The following COL25A1 variants were observed in gnomAD, a reference collection of about 807,000 sequenced individuals.
COL25A1 encodes the protein collagen alpha-1(XXV) chain.
In COL25A1, 103 loss-of-function variants were observed where a neutral mutation model predicts 128.4. The observed-to-expected ratio is 0.80, with a 90% CI of 0.68 to 0.94. The LOEUF is 0.94. Ranked by LOEUF, COL25A1 falls within the 40% of genes least tolerant of loss-of-function variation. The pLI is 0.00. For missense variants in COL25A1, 745 were observed against 840.0 expected (o/e 0.89, Z 1.40); for synonymous variants, 279 against 277.2 (o/e 1.01, Z -0.06).
chr4:108,864,038 C>T (rs1737584857), intron 20 of COL25A1, among the ~76,000 whole-genome samples: 1 of 152,100 alleles, frequency 6.6e-6, no homozygotes, highest in Non-Finnish European at 1.5e-5. Context: ...GAGCCAATTC[C>T]CCTCATAAAT....
chr4:108,982,058 G>C (rs1753028572), intron 6 of COL25A1, among the ~76,000 whole-genome samples: 1 of 148,410 alleles, frequency 6.7e-6, no homozygotes, highest in Non-Finnish European at 1.5e-5. Context: ...GCCAGGCGTG[G>C]TGGCATGCGC....
intron 3 of COL25A1, among the ~76,000 whole-genome samples, chr4:109,129,817 G>A (rs934680177): frequency 1.3e-5 from 2 of 152,056 alleles, no homozygotes; most frequent in African/African-American, 4.8e-5. Context: ...AGTTTAATAA[G>A]CCCTTGAAGG....
At chr4:109,288,713 T>C (rs893058447) in intron 3 of COL25A1, among the ~76,000 whole-genome samples, 4 of 152,004 alleles carry the variant, frequency 2.6e-5, no homozygotes, top group Admixed American at 2.6e-4. Context: ...TCAAACAAAT[T>C]GTCAGTGTTA....
At chr4:109,001,372 C>CAGGCATCTGAGATCCTGTAAGGT (rs1755351832) in intron 6 of COL25A1, among the ~76,000 whole-genome samples, 1 of 24,148 alleles carries the variant, frequency 4.1e-5, no homozygotes, top group Non-Finnish European at 1.3e-4. Context: ...TTAAAAGAAA[C>CAGGCATCTGAGATCCTGTAAGGT]AGGCATCTGA....
chr4:109,041,990 T>C (rs1445858112), intron 5 of COL25A1, among the ~76,000 whole-genome samples: 3 of 152,146 alleles, frequency 2.0e-5, no homozygotes, highest in Non-Finnish European at 4.4e-5. Flanking sequence ...AAATAGACCG[T>C]AGGAAAAAAA....
At chr4:109,124,959 A>G (rs936641250) in intron 3 of COL25A1, among the ~76,000 whole-genome samples, 18 of 152,226 alleles carry the variant, frequency 1.2e-4, no homozygotes, top group African/African-American at 4.1e-4. Flanking sequence ...AGCTTGAAAT[A>G]ATCTATTTGT....
At chr4:109,010,145 T>C (rs1756435576) in intron 6 of COL25A1, among the ~76,000 whole-genome samples, 1 of 152,250 alleles carries the variant, frequency 6.6e-6, no homozygotes, top group African/African-American at 2.4e-5. Context: ...GATAGTACAT[T>C]GTTAAATCTG....
intron 24 of COL25A1, among the ~76,000 whole-genome samples, chr4:108,855,098 T>C (rs1338859945): frequency 2.0e-5 from 3 of 152,046 alleles, no homozygotes; most frequent in African/African-American, 4.8e-5. Context: ...AGAAACATTA[T>C]TCAATTACAT....
intron 3 of COL25A1, among the ~76,000 whole-genome samples, chr4:109,166,518 C>A (rs1216533954): frequency 6.6e-6 from 1 of 152,156 alleles, no homozygotes; most frequent in African/African-American, 2.4e-5. Context: ...GCCTCCCAAA[C>A]AAAAACAAGC....
At chr4:109,193,612 A>C (rs1256634440) in intron 3 of COL25A1, among the ~76,000 whole-genome samples, 1 of 152,148 alleles carries the variant, frequency 6.6e-6, no homozygotes, top group Non-Finnish European at 1.5e-5. Flanking sequence ...CAAAATACAG[A>C]GGTGATTTCA....
rs577613535 is a variant in COL25A1, at chr4:109,208,760, T to A, written c.367+91823A>T. ...CTTTCCTATATCTTACCAAGTTGAA[T>A]TTTTTTAATACTAAGCTACAGAGAG... On this transcript the variant is annotated intron_variant, in intron 3 of 37. Coordinates refer to ENST00000399132, the MANE Select transcript of COL25A1 (RefSeq NM_198721.4). Among the ~76,000 whole-genome samples the A allele has an allele frequency of 1.0e-3, 156 of 152,252 alleles. 2 individuals are homozygous for A. In the South Asian group the frequency reaches 0.025, roughly 24 times the overall value.
Position 108,941,366 on chromosome 4 carries a change from C to G in COL25A1, c.564G>C (p.Lys188Asn). Residue 188 changes from lysine to asparagine, a missense_variant and splice_region_variant, in exon 9 of 38, where the codon AAG becomes AAC. By Grantham distance (94) the Lys-to-Asn change is moderately conservative (BLOSUM62 0). This residue lies in a region of COL25A1 where 319 missense variants were observed against 324.9 expected (regional missense o/e 0.98). Transcript: ENST00000399132. ...DQQLIKRRLIKGDQGQAGPPG... is the reference protein window; with the variant it reads ...DQQLIKRRLINGDQGQAGPPG... ...AGACTTCAGCAAGAATAAGCACTAC[C>G]TTAATCAGGCGGCGTTTAATGAGCT... 2 of 1,612,870 alleles carry G rather than the reference C, an allele frequency of 1.2e-6. No homozygotes were observed. The highest frequency in any genetic ancestry group is 1.7e-6 in the Non-Finnish European group (2 of 1,178,930).
chr4:109,187,478 T>A (rs1775243581), intron 3 of COL25A1, among the ~76,000 whole-genome samples: 1 of 152,168 alleles, frequency 6.6e-6, no homozygotes, highest in African/African-American at 2.4e-5. Context: ...GTTTCCTCAT[T>A]TGTAAGATTG....
intron 3 of COL25A1, among the ~76,000 whole-genome samples, chr4:109,115,244 T>TC (rs1767425978): frequency 6.6e-6 from 1 of 152,114 alleles, no homozygotes. Flanking sequence ...AATACCTTTA[T>TC]TTTTCTCTTC....
intron 3 of COL25A1, among the ~76,000 whole-genome samples, chr4:109,092,364 A>C (rs1403711009): frequency 6.6e-6 from 1 of 152,154 alleles, no homozygotes; most frequent in Non-Finnish European, 1.5e-5. Flanking sequence ...AGTCTCAGGT[A>C]GTCCCAGCTA....
chr4:108,940,444 G>T, intron 10 of COL25A1, 95 bp downstream of exon 10: 1 of 982,404 alleles, frequency 1.0e-6, no homozygotes, highest in Non-Finnish European at 1.7e-6. Flanking sequence ...TTGACCCCCT[G>T]ACCTGATGCC....
chr4:109,016,193 G>A (rs1389374236), intron 5 of COL25A1, among the ~76,000 whole-genome samples: 2 of 152,350 alleles, frequency 1.3e-5, no homozygotes, highest in East Asian at 1.9e-4. Flanking sequence ...CTCCAGGGTG[G>A]AGCAAAGTTG....
chr4:109,218,746 G>A (rs551143912), intron 3 of COL25A1, among the ~76,000 whole-genome samples: 18 of 152,126 alleles, frequency 1.2e-4, no homozygotes, highest in Non-Finnish European at 2.5e-4. Flanking sequence ...ACATGTCCCT[G>A]AATATGTAAG....
intron 3 of COL25A1, among the ~76,000 whole-genome samples, chr4:109,264,531 G>A (rs1331568447): frequency 6.6e-6 from 1 of 152,224 alleles, no homozygotes. Flanking sequence ...AAAACAGACA[G>A]GACATGGTGA....
Sources: gnomAD v4.1 joint callset for allele counts (sites outside exome capture counted in the v4.1 genomes callset) on GRCh38, gnomAD v4.1.1 for gene constraint, gnomAD v4.1.1 regional missense constraint, MANE v1.5 for transcripts, NCBI Gene and HGNC (gene_info 2026-07-23, HGNC 2026-07-21) for gene names.